Variants in ITPKB observed in about 807,000 individuals in gnomAD.
ITPKB encodes the protein inositol-trisphosphate 3-kinase B, also known as IP3 3-kinase B.
Under a neutral mutation model 69.4 loss-of-function variants are expected in ITPKB, and 13 were observed. The observed-to-expected ratio is 0.19, with a 90% CI of 0.12 to 0.30. ITPKB has a LOEUF of 0.30. Among genes scored for constraint, ITPKB ranks in the 10% least tolerant of loss-of-function variants. The pLI is 1.00. For missense variants in ITPKB, 1,240 were observed against 1,250.5 expected (o/e 0.99, Z 0.13); for synonymous variants, 584 against 513.7 (o/e 1.14, Z -1.85).
chr1:226,735,415 C>A, intron 2 of ITPKB, 112 bp downstream of exon 2: 1 of 1,246,154 alleles, frequency 8.0e-7, no homozygotes. Context: ...TCCCAGGGCC[C>A]TGGTCTGAGT....
rs948914783 is a variant in ITPKB at position 226,738,122 on chromosome 1, C to T, written c.-205-459G>A. On this transcript the variant is annotated intron_variant, in intron 1 of 7. Coordinates refer to ENST00000429204, the MANE Select transcript of ITPKB (RefSeq NM_002221.4). This position sits in a 1 kb window ranked among gnomAD's most constrained non-coding sequence, Gnocchi z 4.2. ...CAGCCCTCGCCCTGGGCTTCAGGGTCTCCCTGCTCCACCCTCTCGGGGCAT... is the reference window on the plus strand; with the variant it reads ...CAGCCCTCGCCCTGGGCTTCAGGGTTTCCCTGCTCCACCCTCTCGGGGCAT... 6.6e-6 allele frequency among the ~76,000 whole-genome samples: 1 copy of T among 152,158 alleles called. No homozygotes were observed. Among genetic ancestry groups the T allele is most frequent in the African/African-American group, 2.4e-5 (1 of 41,442 alleles).
intron 2 of ITPKB, among the ~76,000 whole-genome samples, chr1:226,709,094 C>A (rs929292430): frequency 6.6e-6 from 1 of 152,258 alleles, no homozygotes; most frequent in Non-Finnish European, 1.5e-5. Context: ...CCTCCAGAGG[C>A]CTCTGGGCCA....
At position 226,637,643 on chromosome 1, in the gene ITPKB, G is replaced by C; in HGVS notation, c.2625+36C>G. On this transcript the variant is annotated intron_variant, in intron 7 of 7. Coordinates refer to ENST00000429204, the MANE Select transcript of ITPKB (RefSeq NM_002221.4). The surrounding 1 kb of genome is among the most constrained non-coding windows in gnomAD (Gnocchi z 4.3). ...AGGAGAAGGCCTGTTGGCACGCGCA[G>C]CATTCTGCTCAAGAGGGCAAAAGCC... 2 of 1,524,472 alleles carry C rather than the reference G, an allele frequency of 1.3e-6. No homozygotes were observed. The highest frequency in any genetic ancestry group is 1.8e-6 in the Non-Finnish European group (2 of 1,099,028). The allele number at this position is 1,524,472 out of a possible 1,614,324, so 94.4% of individuals were successfully genotyped here.
rs1558074307 is a variant in ITPKB, at chr1:226,652,023, CT to C, written c.1933-3253del. On this transcript the variant is annotated intron_variant, in intron 2 of 7. Coordinates refer to ENST00000429204, the MANE Select transcript of ITPKB (RefSeq NM_002221.4). ...ATTCCACTTGTGAGAATGCCATGCA[CT>C]TGCACTGGAGACCTCTTTTCTCTCT... 2.6e-5 allele frequency among the ~76,000 whole-genome samples: 4 copies of C among 152,376 alleles called. No individual in the cohort carries two copies. In the South Asian group the frequency reaches 8.3e-4, roughly 32 times the overall value.
intron 2 of ITPKB, among the ~76,000 whole-genome samples, chr1:226,725,508 T>C (rs1183508294): frequency 6.6e-6 from 1 of 152,320 alleles, no homozygotes; most frequent in East Asian, 1.9e-4. Context: ...AATTCCCCCC[T>C]TTCACTTTCC....
chr1:226,655,052 G>A (rs1443792027), intron 2 of ITPKB, among the ~76,000 whole-genome samples: 11 of 149,222 alleles, frequency 7.4e-5, no homozygotes, highest in Non-Finnish European at 1.2e-4. Context: ...GAGGAGAGAA[G>A]AAGGAAGAAG....
rs919018229 is a variant in ITPKB, at chr1:226,736,167, G to T, written c.1292C>A (p.Pro431His). The change falls in exon 2 of 8, where the codon CCC (proline) becomes CAC (histidine). Residue 431 changes from proline to histidine, a missense_variant. Physicochemically the swap from Pro to His is moderately conservative, Grantham distance 77 (BLOSUM62 -2). This residue lies in a region of ITPKB where 992 missense variants were observed against 853.8 expected (regional missense o/e 1.16). Coordinates refer to ENST00000429204, the MANE Select transcript of ITPKB (RefSeq NM_002221.4). ...GAGCTGCCAACGCCCCCCGCCCACG[G>T]GGGCCCCACTTCGGGCCTCCTCAGG... is the stretch of plus-strand genomic sequence containing the variant. ...VGPEEARSGA[P>H]VGGGRWQLSD... is the part of the protein sequence containing the mutation. 1 of 1,553,248 alleles carries T rather than the reference G, an allele frequency of 6.4e-7. No individual in the cohort carries two copies. The highest frequency in any genetic ancestry group is 1.4e-5 in the African/African-American group (1 of 73,212).
intron 2 of ITPKB, among the ~76,000 whole-genome samples, chr1:226,735,115 G>A (rs1195076344): frequency 6.6e-6 from 1 of 152,086 alleles, no homozygotes; most frequent in Non-Finnish European, 1.5e-5. Context: ...ATTTTCTTTG[G>A]CCTGAATGAA....
intron 2 of ITPKB, among the ~76,000 whole-genome samples, chr1:226,729,390 G>A (rs1657520629): frequency 6.7e-6 from 1 of 149,746 alleles, no homozygotes; most frequent in Non-Finnish European, 1.5e-5. Context: ...GCTGAGGCGG[G>A]AGAATTGCTT....
At chr1:226,647,439 C>T (rs1223949389) in intron 3 of ITPKB, 59 bp from the exon 4 acceptor site, 1 of 1,308,458 alleles carries the variant, frequency 7.6e-7, no homozygotes, top group Non-Finnish European at 1.1e-6. Context: ...GCAGAGGCAC[C>T]CTCCCCAGCA....
At position 226,726,777 on chromosome 1, in the gene ITPKB, C is replaced by T. The variant is rs762253703; in HGVS notation, c.1932+8750G>A. Among the ~76,000 whole-genome samples the T allele has an allele frequency of 3.3e-5, 5 of 152,060 alleles. No homozygotes were observed. The East Asian group carries it at 5.8e-4, about 18-fold the overall frequency. ...ACATTCAAAATGTCCCCTACACTGG[C>T]GAATGTTTAATCCATAAGGTTTTTT... On this transcript the variant is annotated intron_variant, in intron 2 of 7. Coordinates refer to ENST00000429204, the MANE Select transcript of ITPKB (RefSeq NM_002221.4).
At position 226,736,545 on chromosome 1, in the gene ITPKB, T is replaced by C. The variant is rs1397381771; in HGVS notation, c.914A>G (p.Glu305Gly). 6.2e-7 allele frequency: 1 copy of C among 1,613,826 alleles called. No individual in the cohort carries two copies. Among genetic ancestry groups the C allele is most frequent in the Non-Finnish European group, 8.5e-7 (1 of 1,180,002 alleles). ...AGTGGATGTAACTCTCGCTGCCACTTCCGTGGCCATCGTTAAGCTAGCTCC... is the reference window on the plus strand; with the variant it reads ...AGTGGATGTAACTCTCGCTGCCACTCCCGTGGCCATCGTTAAGCTAGCTCC... The part of the protein sequence containing the change: ...LFGASLTMAT[E>G]VAARVTSTGP... Residue 305 changes from glutamate to glycine, a missense_variant, in exon 2 of 8, where the codon GAA becomes GGA. Coordinates refer to ENST00000429204, the MANE Select transcript of ITPKB (RefSeq NM_002221.4).
intron 6 of ITPKB, among the ~76,000 whole-genome samples, 157 bp downstream of exon 6, chr1:226,639,400 G>C (rs772244995): frequency 4.6e-5 from 7 of 152,204 alleles, no homozygotes; most frequent in Non-Finnish European, 8.8e-5. Context: ...AGCCACAAAA[G>C]TCTCTGCCAG....
At chr1:226,662,869 C>T (rs981887687) in intron 2 of ITPKB, among the ~76,000 whole-genome samples, 6 of 152,232 alleles carry the variant, frequency 3.9e-5, no homozygotes, top group Non-Finnish European at 7.3e-5. Context: ...AGCTGCTTTC[C>T]AAAGAAGCAT....
chr1:226,658,279 G>A (rs1237187913), intron 2 of ITPKB, among the ~76,000 whole-genome samples: 1 of 152,194 alleles, frequency 6.6e-6, no homozygotes, highest in Non-Finnish European at 1.5e-5. Context: ...TTTGTTCATT[G>A]TATTCCCCCT....
chr1:226,724,613 A>C lies in ITPKB; in HGVS notation c.1932+10914T>G, dbSNP rs141805207. ...CAGATGATGCAACTGAGGAGCAGAA[A>C]GTTTTCTCTAGGGTCACACAGATAG... On this transcript the variant is annotated intron_variant, in intron 2 of 7. Transcript: ENST00000429204. Among the ~76,000 whole-genome samples, 133 of 152,298 alleles carry C rather than the reference A, an allele frequency of 8.7e-4. 1 individual carries two copies. In the East Asian group the frequency reaches 0.022, roughly 25 times the overall value.
chr1:226,700,465 CAAAAAAAAAAAAAAA>C (rs58320585), intron 2 of ITPKB, among the ~76,000 whole-genome samples: 6 of 53,960 alleles, frequency 1.1e-4, no homozygotes, highest in South Asian at 9.3e-4. Flanking sequence ...AAGACTCCGT[CAAAAAAAAAAAAAAA>C]AAAAAAAAAA....
intron 2 of ITPKB, among the ~76,000 whole-genome samples, chr1:226,664,438 TGTGCCGGGCAGTA>T (rs3835708): frequency 0.014 from 2,069 of 152,328 alleles, 104 homozygotes; most frequent in Admixed American, 0.08. Flanking sequence ...CCATCTGCTG[TGTGCCGGGCAGTA>T]CACGTATCGT....
At chr1:226,649,407 T>C (rs1288207105) in intron 2 of ITPKB, among the ~76,000 whole-genome samples, 1 of 109,086 alleles carries the variant, frequency 9.2e-6, no homozygotes, top group African/African-American at 2.8e-5. Context: ...TGTGTGTGCA[T>C]GTGTGATATG....
Sources: gnomAD v4.1 joint callset for allele counts (sites outside exome capture counted in the v4.1 genomes callset) on GRCh38, gnomAD v4.1.1 for gene constraint, gnomAD v4.1.1 regional missense constraint, Gnocchi (gnomAD v3.1) non-coding constraint, MANE v1.5 for transcripts, NCBI Gene and HGNC (gene_info 2026-07-23, HGNC 2026-07-21) for gene names.